Variants in TTC27 observed in about 807,000 individuals in gnomAD.
The protein encoded by TTC27 is tetratricopeptide repeat domain 27, also known as tetratricopeptide repeat protein 27.
In TTC27, 79 loss-of-function variants were observed where a neutral mutation model predicts 115.9. The ratio of observed to expected loss-of-function variants is 0.68; its 90% CI spans 0.57 to 0.82. TTC27 has a LOEUF of 0.82. Ranked by LOEUF, TTC27 falls within the 40% of genes least tolerant of loss-of-function variation. TTC27 has a pLI of 0.00. For synonymous variants in TTC27, 401 were observed against 356.0 expected (o/e 1.13, Z -1.42); for missense variants, 1,054 against 993.1 (o/e 1.06, Z -0.82).
chr2:32,696,688 A>C (rs1026239631), intron 9 of TTC27, among the ~76,000 whole-genome samples: 1 of 152,216 alleles, frequency 6.6e-6, no homozygotes. Context: ...TTGGTATGCA[A>C]ATATCTGACT....
intron 10 of TTC27, among the ~76,000 whole-genome samples, chr2:32,729,056 A>T (rs1668205933): frequency 6.6e-6 from 1 of 152,166 alleles, no homozygotes; most frequent in Non-Finnish European, 1.5e-5. Flanking sequence ...GCATAAAGTG[A>T]TATGGCATAT....
chr2:32,639,506 G>A (rs1664557681), intron 3 of TTC27, among the ~76,000 whole-genome samples: 27 of 152,116 alleles, frequency 1.8e-4, no homozygotes, highest in Admixed American at 1.7e-3. Flanking sequence ...TTATGGAGTA[G>A]AGACTTACTT....
At chr2:32,651,371 G>C (rs1178022032) in intron 5 of TTC27, among the ~76,000 whole-genome samples, 7 of 152,172 alleles carry the variant, frequency 4.6e-5, no homozygotes. Context: ...TTTTGAGACA[G>C]AGTTTCACTC....
chr2:32,628,399 G>A lies in TTC27; in HGVS notation c.88+19G>A. 6.4e-7 allele frequency: 1 copy of A among 1,565,494 alleles called. No individual in the cohort carries two copies. Among genetic ancestry groups the A allele is most frequent in the Middle Eastern group, 1.7e-4 (1 of 5,846 alleles). On this transcript the variant is annotated intron_variant, in intron 1 of 19. Coordinates refer to ENST00000317907, the MANE Select transcript of TTC27 (RefSeq NM_017735.5). ...GGTTCAGGTGAGAGGCGCACCTACCGGGCCTTAGGCTATCGTGGGAACTGT... is the reference window on the plus strand; with the variant it reads ...GGTTCAGGTGAGAGGCGCACCTACCAGGCCTTAGGCTATCGTGGGAACTGT...
At chr2:32,777,081 T>C (rs925045738) in intron 13 of TTC27, among the ~76,000 whole-genome samples, 1 of 152,246 alleles carries the variant, frequency 6.6e-6, no homozygotes, top group African/African-American at 2.4e-5. Context: ...ACATTTTGAG[T>C]AACTATTTGG....
At chr2:32,819,734 T>G (rs975306632) in intron 19 of TTC27, among the ~76,000 whole-genome samples, 1 of 152,168 alleles carries the variant, frequency 6.6e-6, no homozygotes, top group African/African-American at 2.4e-5. Context: ...ACAGGTTTGC[T>G]GCCAAGAGTG....
chr2:32,751,258 C>CCACACACA (rs56183534), intron 12 of TTC27, among the ~76,000 whole-genome samples: 2,874 of 140,808 alleles, frequency 0.02, 40 homozygotes, highest in Middle Eastern at 0.085. Context: ...GTAGGTTAAA[C>CCACACACA]CACACACACA....
At chr2:32,734,330 T>C (rs1267138075) in intron 11 of TTC27, among the ~76,000 whole-genome samples, 1 of 152,166 alleles carries the variant, frequency 6.6e-6, no homozygotes, top group Non-Finnish European at 1.5e-5. Context: ...GCCTCCAGCC[T>C]CCTGAGCAGC....
rs900893364 is a variant in TTC27 at position 32,810,489 on chromosome 2, C to T, written c.1999-535C>T. On this transcript the variant is annotated intron_variant, in intron 16 of 19. Transcript: ENST00000317907. Reference sequence around the variant, plus strand: ...GTGGGAGATAATCTAGGTTGATGCTCAGGTTATTGGCTTTGGGAACTGTGT... The same window carrying T: ...GTGGGAGATAATCTAGGTTGATGCTTAGGTTATTGGCTTTGGGAACTGTGT... Among the ~76,000 whole-genome samples the T allele has an allele frequency of 3.9e-5, 6 of 152,226 alleles. No individual in the cohort carries two copies. In the East Asian group the frequency reaches 1.2e-3, roughly 29 times the overall value.
Position 32,817,430 on chromosome 2 carries a change from A to G in TTC27, c.2309-27A>G, listed in dbSNP as rs779811010. 3 of 1,575,706 alleles carry G rather than the reference A, an allele frequency of 1.9e-6. No individual in the cohort carries two copies. In the East Asian group the frequency reaches 6.7e-5, roughly 35 times the overall value. Reference sequence around the variant, plus strand: ...AATTATTATTAACACTTTTTAATGGATGTTTCTCTCCATACTTATCTTCCA... The same window carrying G: ...AATTATTATTAACACTTTTTAATGGGTGTTTCTCTCCATACTTATCTTCCA... On this transcript the variant is annotated intron_variant, in intron 18 of 19. Coordinates refer to ENST00000317907, the MANE Select transcript of TTC27 (RefSeq NM_017735.5).
chr2:32,780,730 G>A (rs1025241322), intron 14 of TTC27, among the ~76,000 whole-genome samples: 19 of 152,102 alleles, frequency 1.2e-4, no homozygotes, highest in African/African-American at 4.6e-4. Flanking sequence ...GTGAGCCACT[G>A]TGCCAGGTCT....
At chr2:32,682,645 A>G (rs1241961159) in intron 9 of TTC27, among the ~76,000 whole-genome samples, 5 of 151,204 alleles carry the variant, frequency 3.3e-5, no homozygotes, top group Non-Finnish European at 4.4e-5. Context: ...CTCTGTTGAT[A>G]GAAGAGCAAA....
intron 9 of TTC27, among the ~76,000 whole-genome samples, chr2:32,683,770 CA>C (rs1666527334): frequency 6.6e-6 from 1 of 152,158 alleles, no homozygotes; most frequent in Non-Finnish European, 1.5e-5. Flanking sequence ...TGAGCCACGT[CA>C]TGACATTTAG....
At chr2:32,705,439 C>T (rs889510376) in intron 10 of TTC27, among the ~76,000 whole-genome samples, 3 of 152,150 alleles carry the variant, frequency 2.0e-5, no homozygotes, top group Non-Finnish European at 2.9e-5. Context: ...CTAACTTTCA[C>T]CCATAGGTTT....
At chr2:32,726,645 C>T (rs957792969) in intron 10 of TTC27, among the ~76,000 whole-genome samples, 1 of 152,174 alleles carries the variant, frequency 6.6e-6, no homozygotes, top group Non-Finnish European at 1.5e-5. Context: ...TCTTCTAAGC[C>T]CTCCAAACTG....
chr2:32,723,694 TCCTCCCTCCCTC>T (rs202118999), intron 10 of TTC27, among the ~76,000 whole-genome samples: 2 of 57,932 alleles, frequency 3.5e-5, no homozygotes, highest in Non-Finnish European at 6.6e-5. Context: ...CTCAGCTCCT[TCCTCCCTCCCTC>T]CCTCCCTCCC....
intron 5 of TTC27, among the ~76,000 whole-genome samples, chr2:32,661,695 C>T (rs182473512): frequency 2.0e-5 from 3 of 152,224 alleles, no homozygotes; most frequent in Admixed American, 1.3e-4. Flanking sequence ...TCTAAATATA[C>T]GATAATGTCA....
chr2:32,664,708 C>T (rs1665702072), intron 6 of TTC27, among the ~76,000 whole-genome samples: 1 of 152,166 alleles, frequency 6.6e-6, no homozygotes, highest in African/African-American at 2.4e-5. Context: ...TAATAGATAG[C>T]AGCCAGGCAG....
chr2:32,679,263 C>A (rs563857288), intron 9 of TTC27, among the ~76,000 whole-genome samples: 57 of 152,300 alleles, frequency 3.7e-4, no homozygotes, highest in African/African-American at 1.2e-3. Flanking sequence ...AGAGAAGAGA[C>A]CACTGGATTG....
Sources: gnomAD v4.1 joint callset for allele counts (sites outside exome capture counted in the v4.1 genomes callset) on GRCh38, gnomAD v4.1.1 for gene constraint, MANE v1.5 for transcripts, NCBI Gene and HGNC (gene_info 2026-07-23, HGNC 2026-07-21) for gene names.